Variants in TADA2A observed in about 807,000 individuals in gnomAD.
The protein encoded by TADA2A is transcriptional adaptor 2A, also known as transcriptional adapter 2-alpha.
TADA2A carries 38 observed loss-of-function variants against 67.4 expected under a neutral mutation model. The observed-to-expected ratio is 0.56, with a 90% CI of 0.44 to 0.74. The LOEUF is 0.74. Ranked by LOEUF, TADA2A falls within the 30% of genes least tolerant of loss-of-function variation. The pLI, the probability that TADA2A is intolerant of heterozygous loss-of-function variation, is 0.00. For synonymous variants in TADA2A, 192 were observed against 181.6 expected (o/e 1.06, Z -0.46); for missense variants, 454 against 547.0 (o/e 0.83, Z 1.70).
chr17:37,462,191 CGTATT>C, intron 10 of TADA2A, 70 bp downstream of exon 10: 2 of 1,065,938 alleles, frequency 1.9e-6, no homozygotes, highest in East Asian at 2.6e-5. Flanking sequence ...AAATAAATCA[CGTATT>C]GTAGTTCTTA....
chr17:37,450,509 C>CT (rs1402542471), intron 8 of TADA2A: 1 of 152,232 alleles, frequency 6.6e-6, no homozygotes, highest in African/African-American at 2.4e-5. Context: ...GGAGCTGCCT[C>CT]TGACTTCTGC....
intron 8 of TADA2A, among the ~76,000 whole-genome samples, chr17:37,445,306 C>T (rs2053044231): frequency 6.6e-6 from 1 of 152,218 alleles, no homozygotes; most frequent in East Asian, 1.9e-4. Context: ...CACTCTGTTA[C>T]ACAGGCTGGA....
At chr17:37,439,842 T>C (rs546462165) in intron 5 of TADA2A, among the ~76,000 whole-genome samples, 11 of 152,050 alleles carry the variant, frequency 7.2e-5, no homozygotes, top group African/African-American at 2.4e-4. Flanking sequence ...TCACTTCTTA[T>C]TATTTACAGC....
At chr17:37,428,791 A>G (rs2052483451) in intron 4 of TADA2A, among the ~76,000 whole-genome samples, 1 of 152,152 alleles carries the variant, frequency 6.6e-6, no homozygotes, top group African/African-American at 2.4e-5. Flanking sequence ...TCATGCCTGT[A>G]ATCCCAGCAC....
At chr17:37,475,693 T>C (rs1171526221) in intron 15 of TADA2A, among the ~76,000 whole-genome samples, 1 of 152,210 alleles carries the variant, frequency 6.6e-6, no homozygotes, top group Non-Finnish European at 1.5e-5. Flanking sequence ...CTCGAACTCC[T>C]GACTTCAGGT....
In TADA2A at chr17:37,447,485, A is replaced by G. The variant is rs529202269; in HGVS notation, c.604+2717A>G. ...TGAATGCTTTTAAAAAGATGATAAC[A>G]CTTCAGATTTGGGTATGGTTGGCTC... On this transcript the variant is annotated intron_variant, in intron 8 of 15. Coordinates refer to ENST00000615182, the MANE Select transcript of TADA2A (RefSeq NM_001166105.3). 2.1e-4 allele frequency among the ~76,000 whole-genome samples: 32 copies of G among 152,072 alleles called. No individual in the cohort carries two copies. In the South Asian group the frequency reaches 6.4e-3, roughly 31 times the overall value.
At chr17:37,412,898 A>G (rs1226665391) in intron 2 of TADA2A, among the ~76,000 whole-genome samples, 4 of 152,120 alleles carry the variant, frequency 2.6e-5, no homozygotes, top group Non-Finnish European at 5.9e-5. Context: ...AGAATCAGAA[A>G]AGTACTTTTT....
At position 37,440,655 on chromosome 17, in the gene TADA2A, A is replaced by T; in HGVS notation, c.435A>T (p.Pro145=). ...EEAKTADTAI[P]FHSTDDPPRP... is the part of the protein sequence containing the mutation. ...CAAAAACTGCTGACACAGCCATTCC[A>T]TTTCACTGTAAGTGCCTCCCTATCT... The change falls in exon 6 of 16, where the codon CCA becomes CCT. Residue 145 remains proline (P), a synonymous_variant. Coordinates refer to ENST00000615182, the MANE Select transcript of TADA2A (RefSeq NM_001166105.3). 4.3e-6 allele frequency: 7 copies of T among 1,614,158 alleles called. No individual in the cohort carries two copies. Among genetic ancestry groups the T allele is most frequent in the Non-Finnish European group, 5.9e-6 (7 of 1,180,006 alleles).
intron 2 of TADA2A, among the ~76,000 whole-genome samples, chr17:37,417,143 G>A (rs2052076132): frequency 6.6e-6 from 1 of 151,944 alleles, no homozygotes; most frequent in African/African-American, 2.4e-5. Flanking sequence ...ACTCTGGGAG[G>A]CTGAGGCAGA....
chr17:37,406,976 G>T (rs1441129790), intron 1 of TADA2A, 27 bp downstream of exon 1: 1 of 146,898 alleles, frequency 6.8e-6, no homozygotes, highest in Non-Finnish European at 1.5e-5. Flanking sequence ...CGCTGGGCGG[G>T]CGGGCGGGCG....
At position 37,476,827 on chromosome 17, in the gene TADA2A, G is replaced by C. The variant is rs1185571871; in HGVS notation, c.1177G>C (p.Ala393Pro). 1 of 1,613,734 alleles carries C rather than the reference G, an allele frequency of 6.2e-7. No homozygotes were observed. Among genetic ancestry groups the C allele is most frequent in the Non-Finnish European group, 8.5e-7 (1 of 1,179,806 alleles). The change falls in exon 16 of 16, where the codon GCC (alanine) becomes CCC (proline). Residue 393 changes from alanine to proline, a missense_variant. By Grantham distance (27) the Ala-to-Pro change is conservative. Around this residue, in one of 2 missense-constraint regions of TADA2A, gnomAD observed 51 missense variants for 91.5 expected, o/e 0.56. Transcript: ENST00000615182. ...LCQMVRLVPG[A>P]YLEYKSALLN... is the part of the protein sequence containing the mutation. ...TCAGATGGTGAGGTTGGTCCCTGGA[G>C]CCTATTTAGAATACAAATCTGCTCT...
At chr17:37,422,546 GC>G in intron 2 of TADA2A, among the ~76,000 whole-genome samples, 1 of 148,802 alleles carries the variant, frequency 6.7e-6, no homozygotes, top group African/African-American at 2.5e-5. Flanking sequence ...TAGCTCTGTC[GC>G]CCAGGCTGGA....
intron 2 of TADA2A, among the ~76,000 whole-genome samples, chr17:37,414,187 A>T (rs2051968503): frequency 6.6e-6 from 1 of 151,772 alleles, no homozygotes; most frequent in East Asian, 1.9e-4. Flanking sequence ...CATTTTCTTT[A>T]TCTGTTCACT....
intron 8 of TADA2A, among the ~76,000 whole-genome samples, chr17:37,446,080 G>A: frequency 7.0e-6 from 1 of 142,964 alleles, no homozygotes; most frequent in South Asian, 2.2e-4. Context: ...CATTTCTTGA[G>A]CGGTGGGTTT....
intron 14 of TADA2A, among the ~76,000 whole-genome samples, 173 bp from the exon 15 acceptor site, chr17:37,474,383 C>T (rs1221548233): frequency 2.0e-5 from 3 of 152,108 alleles, no homozygotes; most frequent in Admixed American, 1.3e-4. Flanking sequence ...AGTGAATGTT[C>T]GGGTGCCCAT....
chr17:37,411,242 C>A, intron 1 of TADA2A, 27 bp from the exon 2 acceptor site: 1 of 823,006 alleles, frequency 1.2e-6, no homozygotes, highest in South Asian at 1.4e-5. Context: ...ATTTTCTGAT[C>A]CATGTGCCAC....
Position 37,476,856 on chromosome 17 carries a change from G to A in TADA2A, c.1206G>A (p.Leu402=). ...ATTTAGAATACAAATCTGCTCTATT[G>A]AACGAATGTAACAAGCAAGGAGGCT... ...GAYLEYKSAL[L]NECNKQGGLR... is the part of the protein sequence containing the mutation. The change falls in exon 16 of 16, where the codon TTG becomes TTA. Residue 402 remains leucine, a synonymous_variant. Transcript: ENST00000615182. 6.2e-7 allele frequency: 1 copy of A among 1,614,174 alleles called. No individual in the cohort carries two copies. Among genetic ancestry groups the A allele is most frequent in the South Asian group, 1.1e-5 (1 of 91,084 alleles).
chr17:37,475,702 G>A (rs974562062), intron 15 of TADA2A, among the ~76,000 whole-genome samples: 2 of 152,168 alleles, frequency 1.3e-5, no homozygotes, highest in African/African-American at 4.8e-5. Context: ...CTGACTTCAG[G>A]TGATCCACTC....
chr17:37,407,542 G>C (rs1018722572), intron 1 of TADA2A: 1 of 152,290 alleles, frequency 6.6e-6, no homozygotes, highest in Non-Finnish European at 1.5e-5. Context: ...GCTAGCGCCA[G>C]TGTTTCCACG....
Sources: allele counts gnomAD v4.1 joint callset (sites outside exome capture counted in the v4.1 genomes callset), GRCh38; gene constraint gnomAD v4.1.1; regional missense constraint gnomAD v4.1.1; transcripts MANE v1.5; gene names NCBI Gene and HGNC (gene_info 2026-07-23, HGNC 2026-07-21).